Variants in SLIT1 observed in about 807,000 individuals in gnomAD.
The protein encoded by SLIT1 is slit guidance ligand 1.
A neutral mutation model predicts 186.1 loss-of-function variants in SLIT1; 66 were observed. That is an observed-to-expected ratio of 0.35 (90% CI 0.29 to 0.44). The LOEUF is 0.44. SLIT1 is among the 20% of genes least tolerant of loss of function. The probability of loss-of-function intolerance (pLI) is 1.00; values close to 1 mark genes in which losing one functional copy is unlikely to be tolerated. For missense variants in SLIT1, 1,638 were observed against 2,037.4 expected (o/e 0.80, Z 3.77); for synonymous variants, 761 against 833.8 (o/e 0.91, Z 1.50).
chr10:97,019,753 G>A (rs1184230410), intron 26 of SLIT1, among the ~76,000 whole-genome samples: 1 of 152,142 alleles, frequency 6.6e-6, no homozygotes, highest in Non-Finnish European at 1.5e-5. Flanking sequence ...GGCCGCCTGG[G>A]ACACCACCCG....
intron 10 of SLIT1, 164 bp from the exon 11 acceptor site, chr10:97,059,695 G>T: frequency 3.0e-6 from 2 of 662,618 alleles, no homozygotes; most frequent in Non-Finnish European, 5.5e-6. Context: ...GCCCATGGCC[G>T]CTATTTCCCT....
At chr10:97,166,544 A>AGG (rs1564692660) in intron 1 of SLIT1, among the ~76,000 whole-genome samples, 1 of 41,862 alleles carries the variant, frequency 2.4e-5, no homozygotes, top group Non-Finnish European at 5.8e-5. Context: ...GGAAGGAAGG[A>AGG]AGGAAGGAAG....
At chr10:97,141,042 C>CT (rs1187439193) in intron 4 of SLIT1, among the ~76,000 whole-genome samples, 1 of 152,178 alleles carries the variant, frequency 6.6e-6, no homozygotes, top group Non-Finnish European at 1.5e-5. Context: ...GGCTTCTTCC[C>CT]TACTCGCAAG....
intron 3 of SLIT1, among the ~76,000 whole-genome samples, chr10:97,158,460 G>A (rs1046677132): frequency 1.2e-4 from 19 of 152,090 alleles, no homozygotes; most frequent in African/African-American, 3.1e-4. Context: ...TCAGGAGTTC[G>A]AGGCCAGCCT....
chr10:97,122,221 C>A (rs1470693992), intron 4 of SLIT1, among the ~76,000 whole-genome samples: 1 of 152,192 alleles, frequency 6.6e-6, no homozygotes, highest in East Asian at 1.9e-4. Context: ...CAACAGGTTC[C>A]CACAACTCCA....
At chr10:97,026,019 T>C (rs7922865) in intron 25 of SLIT1, among the ~76,000 whole-genome samples, 42,811 of 151,994 alleles carry the variant, frequency 0.28, 7,981 homozygotes, top group African/African-American at 0.53. Flanking sequence ...CACAACATCT[T>C]AGTGCAAAGG....
chr10:97,097,870 G>A (rs1182688099), intron 4 of SLIT1, among the ~76,000 whole-genome samples: 2 of 152,210 alleles, frequency 1.3e-5, no homozygotes, highest in African/African-American at 2.4e-5. Context: ...TCTCTGCCAT[G>A]CCCTACAAAG....
chr10:97,079,432 T>C (rs1007446735), intron 4 of SLIT1, among the ~76,000 whole-genome samples: 5 of 152,226 alleles, frequency 3.3e-5, no homozygotes, highest in African/African-American at 9.6e-5. Flanking sequence ...TATGTTATAC[T>C]TCAATTAAAA....
At chr10:97,045,447 T>C (rs1419401593) in intron 18 of SLIT1, among the ~76,000 whole-genome samples, 1 of 152,244 alleles carries the variant, frequency 6.6e-6, no homozygotes, top group Non-Finnish European at 1.5e-5. Context: ...TGTGTATATG[T>C]ATGTGTATGC....
rs2134619008 is a variant in SLIT1, at chr10:97,039,998, C to T, written c.2287G>A (p.Val763Ile). 9 of 1,613,766 alleles carry T rather than the reference C, an allele frequency of 5.6e-6. No individual in the cohort carries two copies. The highest frequency in any genetic ancestry group is 4.5e-5 in the East Asian group (2 of 44,852). The stretch of plus-strand genomic sequence containing the variant: ...CCTTGAGCTACTCACAGTTCTGTGA[C>T]ATTCTTGGGAATGCCCTTGGGCAGG... ...RALPKGIPKN[V>I]TELYLDGNQF... is the part of the protein sequence containing the mutation. The change falls in exon 21 of 37, where the codon GTC becomes ATC. Residue 763 changes from valine to isoleucine, a missense_variant. Val to Ile is a conservative substitution (Grantham distance 29). Coordinates refer to ENST00000266058, the MANE Select transcript of SLIT1 (RefSeq NM_003061.3).
At chr10:97,178,775 AAGAGAG>A (rs893153649) in intron 1 of SLIT1, among the ~76,000 whole-genome samples, 1 of 112,052 alleles carries the variant, frequency 8.9e-6, no homozygotes. Context: ...CGATAGAGAG[AAGAGAG>A]AGAGAGAAAG....
intron 4 of SLIT1, among the ~76,000 whole-genome samples, chr10:97,116,299 A>C (rs1849509611): frequency 6.6e-6 from 1 of 152,020 alleles, no homozygotes; most frequent in Non-Finnish European, 1.5e-5. Context: ...TCCCCACCCC[A>C]CTTCACCTCC....
chr10:97,159,427 C>T (rs1287155888), intron 3 of SLIT1, among the ~76,000 whole-genome samples: 1 of 152,208 alleles, frequency 6.6e-6, no homozygotes. Flanking sequence ...GAGTAGACAT[C>T]AGATAGCTCC....
At chr10:97,134,693 T>C (rs933614426) in intron 4 of SLIT1, among the ~76,000 whole-genome samples, 1 of 152,240 alleles carries the variant, frequency 6.6e-6, no homozygotes, top group African/African-American at 2.4e-5. Flanking sequence ...CCCCCAGAGC[T>C]GATTCAAGGT....
chr10:97,103,746 G>A (rs192577711), intron 4 of SLIT1: 2 of 152,314 alleles, frequency 1.3e-5, no homozygotes, highest in African/African-American at 4.8e-5. Context: ...CAGCCCCTAG[G>A]ACAGAGATGT....
intron 4 of SLIT1, 141 bp from the exon 5 acceptor site, chr10:97,066,227 G>C: frequency 4.4e-6 from 3 of 675,834 alleles, no homozygotes; most frequent in Non-Finnish European, 8.2e-6. Context: ...ACCTAGGACA[G>C]TGCCTGGCCC....
At position 96,999,063 on chromosome 10, in the gene SLIT1, CT is replaced by C. The variant is rs1488092415; in HGVS notation, c.*2048del. 1.3e-5 allele frequency: 2 copies of C among 152,300 alleles called. No homozygotes were observed. The highest frequency in any genetic ancestry group is 2.9e-5 in the Non-Finnish European group (2 of 68,108). The allele number at this position is 152,300 out of a possible 1,614,324, so 9.4% of individuals were successfully genotyped here. On this transcript the variant is annotated 3_prime_UTR_variant, in exon 37 of 37. Transcript: ENST00000266058. ...AAGAGGCAAGCTAGCTGCCCTTGAG[CT>C]TTTCTGCCCTATCCAGCCCGGTGCA... is the stretch of plus-strand genomic sequence containing the variant.
rs535262946 is a variant in SLIT1 at position 97,082,302 on chromosome 10, AGTG to A, written c.414-16219_414-16217del. On this transcript the variant is annotated intron_variant, in intron 4 of 36. Transcript: ENST00000266058. ...TCTTGTGTGACACACGATTGTTATT[AGTG>A]GTGGTGGTGGTGGTGATGATAGTGG... Among the ~76,000 whole-genome samples, 622 of 152,288 alleles carry A rather than the reference AGTG, an allele frequency of 4.1e-3. 3 individuals are homozygous for A. The highest frequency in any genetic ancestry group is 0.011 in the African/African-American group (474 of 41,550).
rs779986146 is a variant in SLIT1, at chr10:97,185,463, G to C, written c.197+15C>G. On this transcript the variant is annotated intron_variant, in intron 1 of 36. Transcript: ENST00000266058. ...ACCTCGGAGCCAGGGAGCCAGGGGC[G>C]GGGACCATACTCACAGGCGCTCGGT... 1.1e-5 allele frequency: 18 copies of C among 1,608,536 alleles called. No individual in the cohort carries two copies. Among genetic ancestry groups the C allele is most frequent in the Non-Finnish European group, 1.5e-5 (18 of 1,178,008 alleles).
Sources: gnomAD v4.1 joint callset for allele counts (sites outside exome capture counted in the v4.1 genomes callset) on GRCh38, gnomAD v4.1.1 for gene constraint, MANE v1.5 for transcripts, NCBI Gene and HGNC (gene_info 2026-07-23, HGNC 2026-07-21) for gene names.